The following CFAP61 variants were observed in gnomAD, a reference collection of about 807,000 sequenced individuals.
CFAP61 encodes cilia- and flagella-associated protein 61.
A neutral mutation model predicts 135.6 loss-of-function variants in CFAP61; 107 were observed. The observed-to-expected ratio is 0.79, with a 90% CI of 0.67 to 0.93. The LOEUF (loss-of-function observed/expected upper bound fraction) is 0.93, where lower values mean the gene tolerates loss of function less well. CFAP61 is among the 40% of genes least tolerant of loss of function. The pLI is 0.00. For synonymous variants in CFAP61, 575 were observed against 578.5 expected (o/e 0.99, Z 0.09); for missense variants, 1,507 against 1,556.2 (o/e 0.97, Z 0.53).
chr20:20,143,242 C>T (rs535808333), intron 9 of CFAP61, among the ~76,000 whole-genome samples: 2 of 152,300 alleles, frequency 1.3e-5, no homozygotes, highest in Admixed American at 1.3e-4. Context: ...TAAAACTGCT[C>T]ATTTAAACTC....
intron 7 of CFAP61, chr20:20,094,712 C>T (rs1022646326): frequency 2.6e-5 from 4 of 152,246 alleles, no homozygotes; most frequent in African/African-American, 9.6e-5. Flanking sequence ...GCCGTGCTGC[C>T]TCAAGCATCA....
At chr20:20,262,314 C>T (rs944202879) in intron 20 of CFAP61, among the ~76,000 whole-genome samples, 2 of 152,200 alleles carry the variant, frequency 1.3e-5, no homozygotes, top group African/African-American at 4.8e-5. Context: ...ATGGACCTCT[C>T]TCTATTGGCT....
intron 25 of CFAP61, among the ~76,000 whole-genome samples, chr20:20,317,754 C>A (rs142703673): frequency 2.9e-4 from 44 of 152,236 alleles, no homozygotes; most frequent in East Asian, 5.8e-4. Context: ...TAGAACCCAG[C>A]GCAGTCACGC....
At chr20:20,108,841 C>T (rs1047195452) in intron 8 of CFAP61, among the ~76,000 whole-genome samples, 5 of 152,164 alleles carry the variant, frequency 3.3e-5, no homozygotes, top group African/African-American at 7.2e-5. Context: ...TTTGCAACCT[C>T]AAACATCCAC....
chr20:20,255,958 C>A (rs1449028898), intron 20 of CFAP61, among the ~76,000 whole-genome samples: 1 of 152,220 alleles, frequency 6.6e-6, no homozygotes, highest in Non-Finnish European at 1.5e-5. Flanking sequence ...GCAGCAGTCG[C>A]TCCTGGAGTC....
intron 8 of CFAP61, among the ~76,000 whole-genome samples, chr20:20,109,275 C>G (rs1217886187): frequency 2.6e-5 from 4 of 152,156 alleles, no homozygotes; most frequent in South Asian, 4.1e-4. Context: ...CCAGTCTGTG[C>G]AGAAGTCTGT....
chr20:20,138,757 G>T (rs937766648), intron 8 of CFAP61, among the ~76,000 whole-genome samples: 1 of 152,160 alleles, frequency 6.6e-6, no homozygotes, highest in Admixed American at 6.5e-5. Flanking sequence ...AGGATGATTG[G>T]TGGAAGCTTC....
intron 4 of CFAP61, 97 bp downstream of exon 4, chr20:20,074,475 A>G (rs1217767439): frequency 2.0e-6 from 2 of 1,018,500 alleles, no homozygotes; most frequent in Non-Finnish European, 3.1e-6. Context: ...TGGGGTGTTT[A>G]ATTTGCTTGT....
chr20:20,157,792 C>A (rs1164326162), intron 9 of CFAP61, among the ~76,000 whole-genome samples: 1 of 152,076 alleles, frequency 6.6e-6, no homozygotes, highest in African/African-American at 2.4e-5. Flanking sequence ...AAATTTAAAA[C>A]CTTTTCTTTT....
rs151157179 is a variant in CFAP61, at chr20:20,252,190, CTTATT to C, written c.2328+435_2328+439del. ...CAAACACGTGCACCTTCTGTCGACCCTTATTTTATTTTGTCTCTCAGTTATGAAAA... is the reference window on the plus strand; with the variant it reads ...CAAACACGTGCACCTTCTGTCGACCCTTATTTTGTCTCTCAGTTATGAAAA... On this transcript the variant is annotated intron_variant, in intron 20 of 26. Transcript: ENST00000245957. Among the ~76,000 whole-genome samples, 215 of 152,330 alleles carry C rather than the reference CTTATT, an allele frequency of 1.4e-3. 2 individuals are homozygous for C. The highest frequency in any genetic ancestry group is 5.1e-3 in the African/African-American group (210 of 41,580).
intron 26 of CFAP61, among the ~76,000 whole-genome samples, chr20:20,350,973 G>A (rs6046810): frequency 0.54 from 81,759 of 151,974 alleles, 23,059 homozygotes; most frequent in East Asian, 0.63. Flanking sequence ...AATAAAGGCC[G>A]TATATGACAA....
intron 18 of CFAP61, among the ~76,000 whole-genome samples, chr20:20,230,804 C>A (rs1413415811): frequency 6.6e-6 from 1 of 152,130 alleles, no homozygotes; most frequent in Non-Finnish European, 1.5e-5. Flanking sequence ...GACCTGCCCG[C>A]CTTGGCCTCC....
intron 13 of CFAP61, among the ~76,000 whole-genome samples, chr20:20,186,891 G>A (rs548406183): frequency 2.0e-5 from 3 of 152,272 alleles, no homozygotes; most frequent in Non-Finnish European, 4.4e-5. Context: ...TTCACTGCAA[G>A]GCTAGCTACA....
At chr20:20,060,781 C>T (rs1286977489) in intron 2 of CFAP61, among the ~76,000 whole-genome samples, 1 of 152,218 alleles carries the variant, frequency 6.6e-6, no homozygotes, top group Non-Finnish European at 1.5e-5. Context: ...CACTGGGTCT[C>T]CGGAAGTGCT....
At chr20:20,161,589 A>G (rs1488948559) in intron 10 of CFAP61, among the ~76,000 whole-genome samples, 1 of 152,144 alleles carries the variant, frequency 6.6e-6, no homozygotes, top group Non-Finnish European at 1.5e-5. Context: ...AAGGCTGAAG[A>G]CTGGAGGTTT....
intron 8 of CFAP61, among the ~76,000 whole-genome samples, chr20:20,127,856 G>C (rs1326434093): frequency 1.3e-5 from 2 of 151,622 alleles, no homozygotes; most frequent in Non-Finnish European, 2.9e-5. Flanking sequence ...CCTTGGGTGG[G>C]TCTTGCTGCA....
At chr20:20,308,775 C>G (rs2056635597) in intron 25 of CFAP61, among the ~76,000 whole-genome samples, 1 of 152,140 alleles carries the variant, frequency 6.6e-6, no homozygotes, top group South Asian at 2.1e-4. Context: ...AATCGCTGTT[C>G]TTTTCAAACT....
At chr20:20,203,310 C>T (rs1022286826) in intron 17 of CFAP61, among the ~76,000 whole-genome samples, 9 of 152,112 alleles carry the variant, frequency 5.9e-5, no homozygotes, top group Admixed American at 4.6e-4. Flanking sequence ...TGACCAAGAC[C>T]GTAATTGACA....
intron 19 of CFAP61, among the ~76,000 whole-genome samples, chr20:20,250,464 TG>T (rs2050797988): frequency 6.6e-6 from 1 of 152,106 alleles, no homozygotes; most frequent in South Asian, 2.1e-4. Flanking sequence ...AGGACTGTGC[TG>T]CCAAGCATAG....
Sources: gnomAD v4.1 joint callset for allele counts (sites outside exome capture counted in the v4.1 genomes callset) on GRCh38, gnomAD v4.1.1 for gene constraint, MANE v1.5 for transcripts, NCBI Gene and HGNC (gene_info 2026-07-23, HGNC 2026-07-21) for gene names.